Variants in SOX5 observed in about 807,000 individuals in gnomAD.
The protein encoded by SOX5 is SRY-box transcription factor 5.
In SOX5, 9 loss-of-function variants were observed where a neutral mutation model predicts 92.0. The observed-to-expected ratio is 0.10, with a 90% CI of 0.06 to 0.17. The LOEUF is 0.17. Among genes scored for constraint, SOX5 ranks in the 10% least tolerant of loss-of-function variants. The pLI is 1.00. For missense variants in SOX5, 642 were observed against 944.5 expected, an observed-to-expected ratio of 0.68 and a Z score of 4.20; for synonymous variants, 344 against 336.3, an observed-to-expected ratio of 1.02 and a Z score of -0.25.
At chr12:24,289,063 T>G (rs1236307267) in intron 2 of SOX5, among the ~76,000 whole-genome samples, 1 of 152,120 alleles carries the variant, frequency 6.6e-6, no homozygotes, top group African/African-American at 2.4e-5. Flanking sequence ...CCAAGGTTGC[T>G]TGAGCTCAAG....
chr12:24,128,627 T>C (rs564450461), intron 4 of SOX5, among the ~76,000 whole-genome samples: 1 of 152,238 alleles, frequency 6.6e-6, no homozygotes, highest in South Asian at 2.1e-4. Context: ...AAGGCCCTGA[T>C]TTGGGGACAG....
intron 8 of SOX5, among the ~76,000 whole-genome samples, chr12:23,629,274 G>A (rs2078229792): frequency 6.6e-6 from 1 of 151,932 alleles, no homozygotes; most frequent in African/African-American, 2.4e-5. Flanking sequence ...TGGCCTAAGT[G>A]CAAAATTAAC....
chr12:24,266,750 G>A (rs1943072570), intron 3 of SOX5, among the ~76,000 whole-genome samples: 1 of 152,120 alleles, frequency 6.6e-6, no homozygotes, highest in Non-Finnish European at 1.5e-5. Context: ...TGGCAATTTA[G>A]GTTGTTCCGC....
intron 4 of SOX5, among the ~76,000 whole-genome samples, chr12:24,197,077 A>G (rs1433986737): frequency 6.6e-6 from 1 of 152,202 alleles, no homozygotes; most frequent in Non-Finnish European, 1.5e-5. Flanking sequence ...AGAATGGCCT[A>G]GCCTATAGGA....
rs372239189 is a variant in SOX5, at chr12:24,350,874, G to A, written c.-174+17689C>T. Among the ~76,000 whole-genome samples the A allele has an allele frequency of 3.6e-3, 554 of 152,124 alleles. 5 individuals carry two copies. The highest frequency in any genetic ancestry group is 0.027 in the Middle Eastern group (8 of 294). Reference sequence around the variant, plus strand: ...TCAAAACTAGCCTGGCCAACATGACGAAACCCTGTCCCTACTTAAAATATA... The same window carrying A: ...TCAAAACTAGCCTGGCCAACATGACAAAACCCTGTCCCTACTTAAAATATA... On this transcript the variant is annotated intron_variant, in intron 2 of 4. Transcript: ENST00000446891.
At chr12:24,404,917 C>T (rs1403002482) in intron 1 of SOX5, among the ~76,000 whole-genome samples, 2 of 151,930 alleles carry the variant, frequency 1.3e-5, no homozygotes, top group Non-Finnish European at 2.9e-5. Flanking sequence ...TAACTGGTGT[C>T]CTTATAAAAA....
intron 4 of SOX5, among the ~76,000 whole-genome samples, chr12:24,189,772 T>C (rs1047420693): frequency 6.6e-6 from 1 of 152,232 alleles, no homozygotes; most frequent in East Asian, 1.9e-4. Flanking sequence ...TTTTGTCCTA[T>C]GAAAATTTGA....
rs373571301 is a variant in SOX5 at position 23,765,385 on chromosome 12, C to CAAAAAAAAAAAAAAAAAAAAA, written c.482-9682_482-9662dup. 6.4e-5 allele frequency among the ~76,000 whole-genome samples: 2 copies of CAAAAAAAAAAAAAAAAAAAAA among 31,432 alleles called. 1 individual carries two copies. The highest frequency in any genetic ancestry group is 1.0e-4 in the Non-Finnish European group (2 of 19,816). 20.6% of individuals were successfully genotyped at this position (31,432 alleles called of 152,430 possible). On this transcript the variant is annotated intron_variant, in intron 3 of 14. Transcript: ENST00000451604. ...CTGTGAAGTCAAAAGTGTAAAACAG[C>CAAAAAAAAAAAAAAAAAAAAA]AAAAAAAAAAAAAAAAAAAAAAAAA...
chr12:23,703,092 A>G (rs1209582746), intron 6 of SOX5, among the ~76,000 whole-genome samples: 1 of 152,098 alleles, frequency 6.6e-6, no homozygotes, highest in Non-Finnish European at 1.5e-5. Flanking sequence ...ACCGAAAGCC[A>G]GGCTGCACAG....
chr12:24,234,679 G>A (rs36123156), intron 3 of SOX5, among the ~76,000 whole-genome samples: 42,626 of 152,058 alleles, frequency 0.28, 6,781 homozygotes, highest in East Asian at 0.7. Flanking sequence ...CCACCACGCC[G>A]GCCAAAATAA....
intron 3 of SOX5, among the ~76,000 whole-genome samples, chr12:24,243,066 G>GA (rs1238938434): frequency 2.0e-5 from 3 of 151,970 alleles, no homozygotes; most frequent in African/African-American, 4.8e-5. Context: ...TTATCTCTGG[G>GA]AAAAAATGGG....
chr12:23,810,875 C>A (rs1052806568), intron 3 of SOX5, among the ~76,000 whole-genome samples: 1 of 152,240 alleles, frequency 6.6e-6, no homozygotes, highest in East Asian at 1.9e-4. Flanking sequence ...TTAATATATT[C>A]TTTTTGAGCT....
At chr12:23,858,289 C>A (rs1262960857) in intron 2 of SOX5, among the ~76,000 whole-genome samples, 3 of 151,988 alleles carry the variant, frequency 2.0e-5, no homozygotes, top group African/African-American at 2.4e-5. Flanking sequence ...TATTTGCAAA[C>A]TATGCATCTC....
At chr12:23,845,124 C>A (rs1434577258) in intron 3 of SOX5, among the ~76,000 whole-genome samples, 5 of 152,116 alleles carry the variant, frequency 3.3e-5, no homozygotes, top group African/African-American at 1.2e-4. Flanking sequence ...GAAATGAGCC[C>A]AACTTATTGT....
At chr12:23,891,480 C>T (rs1307270844) in intron 2 of SOX5, among the ~76,000 whole-genome samples, 3 of 152,174 alleles carry the variant, frequency 2.0e-5, no homozygotes, top group African/African-American at 7.2e-5. Context: ...ACAGGGATCA[C>T]TCAACAGTTG....
At chr12:23,690,123 T>C (rs571859886) in intron 6 of SOX5, among the ~76,000 whole-genome samples, 6 of 152,202 alleles carry the variant, frequency 3.9e-5, no homozygotes, top group Non-Finnish European at 8.8e-5. Context: ...CCTCACTTTC[T>C]CCAGCAAGCG....
At chr12:24,446,672 A>G (rs1454247422) in intron 1 of SOX5, among the ~76,000 whole-genome samples, 1 of 152,194 alleles carries the variant, frequency 6.6e-6, no homozygotes, top group African/African-American at 2.4e-5. Flanking sequence ...GGAATTTCAG[A>G]AACCAGGTAA....
intron 3 of SOX5, among the ~76,000 whole-genome samples, chr12:24,228,386 C>T (rs1204548812): frequency 6.6e-6 from 1 of 152,194 alleles, no homozygotes; most frequent in Non-Finnish European, 1.5e-5. Flanking sequence ...GATGATTATA[C>T]ATATGTTTTT....
intron 6 of SOX5, among the ~76,000 whole-genome samples, chr12:23,715,556 G>C (rs2092426408): frequency 6.6e-6 from 1 of 151,940 alleles, no homozygotes. Context: ...ACTCCTCAGA[G>C]AGCCCATTAT....
Sources: allele counts gnomAD v4.1 joint callset (sites outside exome capture counted in the v4.1 genomes callset), GRCh38; gene constraint gnomAD v4.1.1; transcripts MANE v1.5; gene names NCBI Gene and HGNC (gene_info 2026-07-23, HGNC 2026-07-21).